The following ZBTB7C variants were observed in gnomAD, a reference collection of about 807,000 sequenced individuals.
The protein encoded by ZBTB7C is zinc finger and BTB domain containing 7C.
Under a neutral mutation model 25.7 loss-of-function variants are expected in ZBTB7C, and 8 were observed. That is an observed-to-expected ratio of 0.31 (90% CI 0.18 to 0.56). The LOEUF is 0.56. ZBTB7C is among the 20% of genes least tolerant of loss of function. The probability of loss-of-function intolerance (pLI) is 0.91; values close to 1 mark genes in which losing one functional copy is unlikely to be tolerated. For missense variants in ZBTB7C, 824 were observed against 855.2 expected, an observed-to-expected ratio of 0.96 and a Z score of 0.46; for synonymous variants, 394 against 369.0, an observed-to-expected ratio of 1.07 and a Z score of -0.78.
intron 1 of ZBTB7C, among the ~76,000 whole-genome samples, chr18:48,377,421 C>A (rs2047545450): frequency 1.3e-5 from 2 of 152,092 alleles, no homozygotes; most frequent in African/African-American, 4.8e-5. Context: ...GTGGGAGAAG[C>A]AAGAGAGCAT....
chr18:48,377,850 A>T (rs908078539), intron 1 of ZBTB7C, among the ~76,000 whole-genome samples: 2 of 152,210 alleles, frequency 1.3e-5, no homozygotes, highest in Non-Finnish European at 2.9e-5. Context: ...CCTTCTTGAA[A>T]GCAAGAGTAA....
intron 2 of ZBTB7C, among the ~76,000 whole-genome samples, chr18:48,333,489 T>C (rs1038899858): frequency 9.2e-5 from 14 of 152,160 alleles, no homozygotes; most frequent in African/African-American, 3.4e-4. Context: ...GAGGAGAACA[T>C]TAAGGTCTGG....
intron 1 of ZBTB7C, among the ~76,000 whole-genome samples, chr18:48,406,280 A>G (rs1317687174): frequency 6.6e-6 from 1 of 152,076 alleles, no homozygotes; most frequent in East Asian, 1.9e-4. Flanking sequence ...AACTGTAACT[A>G]CAACCCCACC....
chr18:48,223,278 A>G (rs2043005274), intron 2 of ZBTB7C, among the ~76,000 whole-genome samples: 1 of 152,130 alleles, frequency 6.6e-6, no homozygotes, highest in Non-Finnish European at 1.5e-5. Context: ...AGGCCCCCAG[A>G]TAAAGGCAGA....
chr18:48,402,622 C>T (rs1355026883), intron 1 of ZBTB7C, among the ~76,000 whole-genome samples: 2 of 152,214 alleles, frequency 1.3e-5, no homozygotes, highest in African/African-American at 4.8e-5. Flanking sequence ...ACAGTGGCAA[C>T]ATGAGTATCA....
chr18:48,348,653 C>T (rs2046794817), intron 1 of ZBTB7C, among the ~76,000 whole-genome samples: 1 of 152,214 alleles, frequency 6.6e-6, no homozygotes, highest in South Asian at 2.1e-4. Flanking sequence ...CTTGTCTCTA[C>T]TAAAAATACA....
intron 2 of ZBTB7C, among the ~76,000 whole-genome samples, chr18:48,265,720 G>A (rs1047315465): frequency 6.6e-6 from 1 of 152,162 alleles, no homozygotes; most frequent in Non-Finnish European, 1.5e-5. Flanking sequence ...CCCTAAATGA[G>A]GGGCACTTAC....
At chr18:48,314,124 C>T (rs2045889556) in intron 2 of ZBTB7C, among the ~76,000 whole-genome samples, 1 of 152,174 alleles carries the variant, frequency 6.6e-6, no homozygotes. Context: ...GGTATTCCTT[C>T]GTAGCAACGC....
intron 2 of ZBTB7C, among the ~76,000 whole-genome samples, chr18:48,334,395 C>T (rs774455383): frequency 1.3e-5 from 2 of 152,148 alleles, no homozygotes; most frequent in Non-Finnish European, 2.9e-5. Flanking sequence ...TATGGCAGCA[C>T]CATCTGCCAT....
Position 48,399,277 on chromosome 18 carries a change from T to C in ZBTB7C, c.-304+9949A>G, listed in dbSNP as rs2048104851. Reference sequence around the variant, plus strand: ...CTCAGGGTAAGGAAACTAACAGCAGTGAGAGAAAGATGTTTCACTTTAAAA... The same window carrying C: ...CTCAGGGTAAGGAAACTAACAGCAGCGAGAGAAAGATGTTTCACTTTAAAA... On this transcript the variant is annotated intron_variant, in intron 1 of 4. Coordinates refer to ENST00000590800, the MANE Select transcript of ZBTB7C (RefSeq NM_001318841.2). Among the ~76,000 whole-genome samples the C allele has an allele frequency of 2.0e-5, 3 of 152,158 alleles. No individual in the cohort carries two copies. In the South Asian group the frequency reaches 6.2e-4, roughly 32 times the overall value.
intron 3 of ZBTB7C, among the ~76,000 whole-genome samples, chr18:48,133,954 TAA>T (rs2040067050): frequency 6.6e-6 from 1 of 152,168 alleles, no homozygotes; most frequent in Non-Finnish European, 1.5e-5. Flanking sequence ...GTAATTGCTG[TAA>T]ACACTGGGAT....
At chr18:48,202,343 G>T (rs528060800) in intron 2 of ZBTB7C, among the ~76,000 whole-genome samples, 38 of 152,228 alleles carry the variant, frequency 2.5e-4, no homozygotes, top group Non-Finnish European at 5.1e-4. Context: ...AAGAGGTCGC[G>T]AGGGATTAGA....
chr18:48,271,872 GA>G (rs1406367605), intron 2 of ZBTB7C, among the ~76,000 whole-genome samples: 2 of 152,104 alleles, frequency 1.3e-5, no homozygotes, highest in African/African-American at 2.4e-5. Flanking sequence ...ATGTAATAAT[GA>G]AAATTTAGAT....
intron 2 of ZBTB7C, among the ~76,000 whole-genome samples, chr18:48,292,383 G>C (rs1265723246): frequency 6.6e-6 from 1 of 152,168 alleles, no homozygotes. Flanking sequence ...TAAGGATAGA[G>C]TGAGGTTCGA....
intron 3 of ZBTB7C, among the ~76,000 whole-genome samples, chr18:48,104,471 C>A (rs1206224818): frequency 1.3e-5 from 2 of 152,150 alleles, no homozygotes; most frequent in Admixed American, 6.5e-5. Flanking sequence ...TATAAATTGT[C>A]TAGCTTCAGG....
chr18:48,029,977 C>T (rs1361916781), intron 4 of ZBTB7C, 66 bp from the exon 5 acceptor site: 5 of 1,595,088 alleles, frequency 3.1e-6, no homozygotes, highest in Middle Eastern at 1.7e-4. Context: ...ACCTTTTGCT[C>T]CCCCTTTCTC....
At chr18:48,386,840 C>T (rs1042940267) in intron 1 of ZBTB7C, among the ~76,000 whole-genome samples, 1 of 152,276 alleles carries the variant, frequency 6.6e-6, no homozygotes, top group Admixed American at 6.5e-5. Flanking sequence ...ACTCAAATTG[C>T]GCTTTCTATC....
intron 2 of ZBTB7C, among the ~76,000 whole-genome samples, chr18:48,333,357 T>C (rs1008376618): frequency 1.3e-5 from 2 of 152,178 alleles, no homozygotes; most frequent in Non-Finnish European, 2.9e-5. Context: ...GGAAAGAGTG[T>C]TGCCATAATT....
chr18:48,136,477 C>T (rs937260747), intron 3 of ZBTB7C, among the ~76,000 whole-genome samples: 9 of 152,212 alleles, frequency 5.9e-5, no homozygotes, highest in Non-Finnish European at 1.0e-4. Flanking sequence ...ATCGCCGGCC[C>T]TCGACTTTTG....
Sources: allele counts gnomAD v4.1 joint callset (sites outside exome capture counted in the v4.1 genomes callset), GRCh38; gene constraint gnomAD v4.1.1; transcripts MANE v1.5; gene names NCBI Gene and HGNC (gene_info 2026-07-23, HGNC 2026-07-21).